RAD51B: variants seen among roughly 807,000 people sequenced by gnomAD.
RAD51B encodes RAD51 paralog B.
RAD51B carries 38 observed loss-of-function variants against 42.2 expected under a neutral mutation model. The observed-to-expected ratio is 0.90, with a 90% CI of 0.70 to 1.18. The LOEUF is 1.18. RAD51B is among the 50% of genes most tolerant of loss of function. The pLI is 0.00. For synonymous variants in RAD51B, 154 were observed against 145.2 expected, an observed-to-expected ratio of 1.06 and a Z score of -0.43; for missense variants, 373 against 400.7, an observed-to-expected ratio of 0.93 and a Z score of 0.59.
At chr14:68,248,285 G>A (rs1167288658) in intron 7 of RAD51B, among the ~76,000 whole-genome samples, 1 of 152,118 alleles carries the variant, frequency 6.6e-6, no homozygotes, top group African/African-American at 2.4e-5. Context: ...ACCTTACCTG[G>A]AGGGAATAGG....
intron 7 of RAD51B, among the ~76,000 whole-genome samples, chr14:68,072,198 G>T: frequency 8.2e-6 from 1 of 122,506 alleles, no homozygotes. Context: ...AGGTTTCTAG[G>T]TTTTCTAGGT....
intron 9 of RAD51B, among the ~76,000 whole-genome samples, chr14:68,443,033 C>T (rs1296969454): frequency 6.6e-6 from 1 of 152,150 alleles, no homozygotes; most frequent in Non-Finnish European, 1.5e-5. Context: ...CAAAGGAGTC[C>T]TGGTTTTGGT....
At chr14:68,283,335 C>G (rs1221133673) in intron 7 of RAD51B, among the ~76,000 whole-genome samples, 1 of 152,204 alleles carries the variant, frequency 6.6e-6, no homozygotes, top group Non-Finnish European at 1.5e-5. Flanking sequence ...CAACTACACA[C>G]CAAAGCAACT....
At chr14:68,653,871 G>A (rs908493018) in intron 11 of RAD51B, among the ~76,000 whole-genome samples, 11 of 152,252 alleles carry the variant, frequency 7.2e-5, no homozygotes, top group African/African-American at 2.7e-4. Flanking sequence ...ATGTGCAAAG[G>A]CACAGGGGTA....
intron 8 of RAD51B, among the ~76,000 whole-genome samples, chr14:68,379,465 C>CT (rs1460146126): frequency 6.6e-6 from 1 of 152,154 alleles, no homozygotes; most frequent in Non-Finnish European, 1.5e-5. Context: ...ATCCATCTTC[C>CT]TGTCTATGAT....
chr14:68,457,933 C>A lies in RAD51B; in HGVS notation c.958-10239C>A, dbSNP rs544874640. ...CAGCCCTAGGAATTATTAACACTTTCAAACCACATGTAAAGTTCACTGAAA... is the reference window on the plus strand; with the variant it reads ...CAGCCCTAGGAATTATTAACACTTTAAAACCACATGTAAAGTTCACTGAAA... On this transcript the variant is annotated intron_variant, in intron 9 of 10. Transcript: ENST00000471583. Among the ~76,000 whole-genome samples, 4 of 146,674 alleles carry A rather than the reference C, an allele frequency of 2.7e-5. No homozygotes were observed. The South Asian group carries it at 6.5e-4, about 24-fold the overall frequency.
chr14:68,255,331 A>G (rs568532970), intron 7 of RAD51B, among the ~76,000 whole-genome samples: 28 of 152,360 alleles, frequency 1.8e-4, no homozygotes, highest in Admixed American at 1.6e-3. Flanking sequence ...AAAGATAAAC[A>G]TAAGGTAATT....
At chr14:68,220,749 A>T (rs1196058934) in intron 7 of RAD51B, among the ~76,000 whole-genome samples, 2 of 152,174 alleles carry the variant, frequency 1.3e-5, no homozygotes, top group Admixed American at 1.3e-4. Flanking sequence ...TGATAAATGA[A>T]TTCAGCAAAG....
chr14:67,850,754 G>C (rs75141546), intron 4 of RAD51B, among the ~76,000 whole-genome samples: 8,521 of 152,176 alleles, frequency 0.056, 345 homozygotes, highest in Non-Finnish European at 0.08. Flanking sequence ...TGATGAGGGT[G>C]GCTAGGAAAA....
intron 10 of RAD51B, among the ~76,000 whole-genome samples, chr14:68,474,114 A>C (rs1395854824): frequency 2.0e-5 from 3 of 152,248 alleles, no homozygotes; most frequent in East Asian, 1.9e-4. Flanking sequence ...CCACTCCCCT[A>C]CTTATGGAAA....
At chr14:67,952,750 G>A (rs2140210747) in intron 7 of RAD51B, among the ~76,000 whole-genome samples, 1 of 152,166 alleles carries the variant, frequency 6.6e-6, no homozygotes, top group East Asian at 1.9e-4. Flanking sequence ...TTAAGAAATA[G>A]AACTAGTTGA....
intron 10 of RAD51B, among the ~76,000 whole-genome samples, chr14:68,641,776 G>C (rs886597341): frequency 6.6e-6 from 1 of 151,540 alleles, no homozygotes; most frequent in Non-Finnish European, 1.5e-5. Context: ...GCCCAAGCTT[G>C]TCTCCAACTC....
chr14:68,673,657 T>C (rs1162212059), intron 11 of RAD51B, among the ~76,000 whole-genome samples: 2 of 149,366 alleles, frequency 1.3e-5, no homozygotes, highest in Non-Finnish European at 3.0e-5. Context: ...TGCACACACA[T>C]ACACATACTG....
At chr14:67,941,951 T>G (rs2045224607) in intron 7 of RAD51B, among the ~76,000 whole-genome samples, 2 of 152,360 alleles carry the variant, frequency 1.3e-5, no homozygotes, top group South Asian at 4.1e-4. Flanking sequence ...AAAGAGTGAT[T>G]TCTCTTGTTC....
At chr14:68,143,804 G>C (rs925122747) in intron 7 of RAD51B, among the ~76,000 whole-genome samples, 1 of 152,210 alleles carries the variant, frequency 6.6e-6, no homozygotes, top group African/African-American at 2.4e-5. Context: ...GAAGGGTATT[G>C]TAAGTGTGTG....
In RAD51B at chr14:67,830,125, G is replaced by A. The variant is rs552749906; in HGVS notation, c.198+4548G>A. ...ATAACAACGAAGAAGAGAGTGGTAA[G>A]AGATGAAGCCAGAGAAGTAAGCAGG... On this transcript the variant is annotated intron_variant, in intron 3 of 10. Transcript: ENST00000471583. Among the ~76,000 whole-genome samples, 20 of 152,260 alleles carry A rather than the reference G, an allele frequency of 1.3e-4. No individual in the cohort carries two copies. The East Asian group carries it at 3.9e-3, about 29-fold the overall frequency.
chr14:68,469,682 G>A (rs1346033059), intron 10 of RAD51B, among the ~76,000 whole-genome samples: 1 of 152,214 alleles, frequency 6.6e-6, no homozygotes. Context: ...CCAGTACACA[G>A]GGTGGCATTC....
intron 8 of RAD51B, among the ~76,000 whole-genome samples, chr14:68,365,693 G>A (rs2083128417): frequency 6.6e-6 from 1 of 152,188 alleles, no homozygotes; most frequent in Non-Finnish European, 1.5e-5. Context: ...TCTCATGTGA[G>A]CAGTATGTAT....
At chr14:68,318,811 A>G (rs1170374110) in intron 8 of RAD51B, among the ~76,000 whole-genome samples, 1 of 152,152 alleles carries the variant, frequency 6.6e-6, no homozygotes, top group Non-Finnish European at 1.5e-5. Flanking sequence ...CATCTGGGGG[A>G]AGATAATTTC....
Sources: gnomAD v4.1 joint callset for allele counts (sites outside exome capture counted in the v4.1 genomes callset) on GRCh38, gnomAD v4.1.1 for gene constraint, MANE v1.5 for transcripts, NCBI Gene and HGNC (gene_info 2026-07-23, HGNC 2026-07-21) for gene names.